Variants in TBC1D15 observed in about 807,000 individuals in gnomAD.
The protein encoded by TBC1D15 is GAP for RAB7.
In TBC1D15, 39 loss-of-function variants were observed where a neutral mutation model predicts 95.4. That is an observed-to-expected ratio of 0.41 (90% CI 0.32 to 0.53). TBC1D15 has a LOEUF of 0.53. Among genes scored for constraint, TBC1D15 ranks in the 20% least tolerant of loss-of-function variants. TBC1D15 has a pLI of 0.29. For missense variants in TBC1D15, 733 were observed against 794.3 expected (o/e 0.92, Z 0.93); for synonymous variants, 258 against 261.3 (o/e 0.99, Z 0.12).
intron 5 of TBC1D15, among the ~76,000 whole-genome samples, chr12:71,892,367 C>T (rs1437869533): frequency 2.0e-5 from 3 of 152,072 alleles, no homozygotes; most frequent in South Asian, 2.1e-4. Flanking sequence ...TTATCTCAAA[C>T]ATTTATAATA....
chr12:71,842,845 A>G (rs529988263), intron 1 of TBC1D15, among the ~76,000 whole-genome samples: 7 of 151,798 alleles, frequency 4.6e-5, no homozygotes, highest in South Asian at 4.2e-4. Flanking sequence ...AAAAAAAAAA[A>G]AAAAGAAAAG....
At chr12:71,877,468 G>A (rs899452845) in intron 3 of TBC1D15, among the ~76,000 whole-genome samples, 1 of 149,412 alleles carries the variant, frequency 6.7e-6, no homozygotes, top group Non-Finnish European at 1.5e-5. Context: ...GACTGGTCCT[G>A]TAATTTTAAA....
At chr12:71,857,548 A>G (rs528007779) in intron 1 of TBC1D15, among the ~76,000 whole-genome samples, 1 of 152,282 alleles carries the variant, frequency 6.6e-6, no homozygotes, top group East Asian at 1.9e-4. Context: ...TTTTAGTTGG[A>G]CTTTAAAAAA....
At chr12:71,854,570 T>G (rs1218168367) in intron 1 of TBC1D15, 1 of 446,458 alleles carries the variant, frequency 2.2e-6, no homozygotes, top group Non-Finnish European at 4.6e-6. Context: ...CAGGCGACAT[T>G]ATCAGCAAGA....
intron 11 of TBC1D15, among the ~76,000 whole-genome samples, chr12:71,913,131 A>G (rs907186485): frequency 3.3e-5 from 5 of 152,112 alleles, no homozygotes; most frequent in Non-Finnish European, 7.4e-5. Context: ...AGAGACATGT[A>G]GGTAAGTGGT....
chr12:71,849,871 A>G, intron 1 of TBC1D15: 1 of 572,662 alleles, frequency 1.7e-6, no homozygotes, highest in East Asian at 4.4e-5. Context: ...CTGTCTATAG[A>G]AGAATGTTTG....
In TBC1D15 at chr12:71,917,683, T is replaced by C; in HGVS notation, c.1402-15T>C. 1 of 1,539,898 alleles carries C rather than the reference T, an allele frequency of 6.5e-7. No homozygotes were observed. The highest frequency in any genetic ancestry group is 9.0e-7 in the Non-Finnish European group (1 of 1,116,734). On this transcript the variant is annotated splice_polypyrimidine_tract_variant and intron_variant, in intron 12 of 16. Transcript: ENST00000485960. ...TTTATTAAATATTACTTGTAACAAT[T>C]ATTTCCTTTTAAAGCATCAGAATTT...
Position 71,885,006 on chromosome 12 carries a change from A to G in TBC1D15, c.539A>G (p.Tyr180Cys), listed in dbSNP as rs2138540789. 1.2e-6 allele frequency: 2 copies of G among 1,613,664 alleles called. No individual in the cohort carries two copies. The highest frequency in any genetic ancestry group is 2.2e-5 in the East Asian group (1 of 44,848). The change falls in exon 5 of 17, where the codon TAT becomes TGT. Residue 180 changes from tyrosine to cysteine, a missense_variant. Coordinates refer to ENST00000485960, the MANE Select transcript of TBC1D15 (RefSeq NM_001146213.3). ...SKLLIESLEKYVVLCESPQDK... is the reference protein window; with the variant it reads ...SKLLIESLEKCVVLCESPQDK... ...CTACTGATTGAATCTCTTGAAAAAT[A>G]TGTGGTATTGTGTGAGTAAGTATCA...
intron 8 of TBC1D15, 88 bp downstream of exon 8, chr12:71,896,163 T>C: frequency 7.5e-7 from 1 of 1,340,568 alleles, no homozygotes; most frequent in South Asian, 1.7e-5. Context: ...GGTGTGTTTT[T>C]TTTTGTTGTT....
At chr12:71,920,683 G>A in intron 14 of TBC1D15, 48 bp from the exon 15 acceptor site, 3 of 1,345,306 alleles carry the variant, frequency 2.2e-6, no homozygotes, top group Non-Finnish European at 3.2e-6. Flanking sequence ...TGAGGAAAAT[G>A]TTTTAGAATT....
intron 1 of TBC1D15, among the ~76,000 whole-genome samples, chr12:71,840,326 C>A (rs193254733): frequency 2.0e-5 from 3 of 152,172 alleles, no homozygotes; most frequent in African/African-American, 7.2e-5. Flanking sequence ...CTGTTTTTAC[C>A]AAGCTGCTGA....
intron 12 of TBC1D15, 130 bp from the exon 13 acceptor site, chr12:71,917,568 G>A (rs1033563215): frequency 9.8e-6 from 5 of 510,066 alleles, no homozygotes; most frequent in East Asian, 3.2e-5. Flanking sequence ...GGTTAGTTAC[G>A]CATTTTTTAA....
chr12:71,884,648 C>T (rs1267511528), intron 4 of TBC1D15, among the ~76,000 whole-genome samples, 163 bp from the exon 5 acceptor site: 1 of 152,010 alleles, frequency 6.6e-6, no homozygotes, highest in Non-Finnish European at 1.5e-5. Context: ...TTTAAAAGAA[C>T]ATATAAGTAG....
At chr12:71,863,373 G>C (rs1232945489) in intron 1 of TBC1D15, among the ~76,000 whole-genome samples, 3 of 151,382 alleles carry the variant, frequency 2.0e-5, no homozygotes, top group Non-Finnish European at 4.4e-5. Context: ...GTGAGACTCT[G>C]TCTCAAAAAA....
intron 3 of TBC1D15, among the ~76,000 whole-genome samples, chr12:71,877,958 T>A (rs1041944934): frequency 1.9e-4 from 29 of 152,210 alleles, no homozygotes; most frequent in Non-Finnish European, 3.2e-4. Context: ...CAACAGTGAT[T>A]ATATTCTCTG....
chr12:71,865,359 A>T (rs1891266157), intron 1 of TBC1D15, among the ~76,000 whole-genome samples: 1 of 152,082 alleles, frequency 6.6e-6, no homozygotes, highest in South Asian at 2.1e-4. Context: ...CCTGGGAAGA[A>T]GGGGTACTTT....
At position 71,884,842 on chromosome 12, in the gene TBC1D15, A is replaced by G. The variant is rs141814801; in HGVS notation, c.375A>G (p.Lys125=). 5.2e-5 allele frequency: 84 copies of G among 1,613,908 alleles called. No individual in the cohort carries two copies. Among genetic ancestry groups the G allele is most frequent in the Non-Finnish European group, 6.9e-5 (82 of 1,179,922 alleles). ...DAPSHRNGKS[K]WSFLFSLTDL... is the part of the protein sequence containing the mutation. ...CAAGTCATAGAAATGGGAAAAGCAA[A>G]TGGTCATTCCTGTTCAGTTTGACAG... The change falls in exon 5 of 17, where the codon AAA becomes AAG. Residue 125 remains lysine (K), a synonymous_variant. Transcript: ENST00000485960.
chr12:71,874,735 G>T (rs1051809145), intron 3 of TBC1D15, among the ~76,000 whole-genome samples: 1 of 142,756 alleles, frequency 7.0e-6, no homozygotes, highest in Non-Finnish European at 1.5e-5. Context: ...CAATTCTCAT[G>T]CCTCAGCCTT....
intron 1 of TBC1D15, among the ~76,000 whole-genome samples, chr12:71,870,954 A>T (rs1354749370): frequency 6.6e-6 from 1 of 152,200 alleles, no homozygotes; most frequent in Non-Finnish European, 1.5e-5. Flanking sequence ...CTGAAGACTA[A>T]TATTAATAAA....
Sources: gnomAD v4.1 joint callset for allele counts (sites outside exome capture counted in the v4.1 genomes callset) on GRCh38, gnomAD v4.1.1 for gene constraint, MANE v1.5 for transcripts, NCBI Gene and HGNC (gene_info 2026-07-23, HGNC 2026-07-21) for gene names.